The following MRPL1 variants were observed in gnomAD, a reference collection of about 807,000 sequenced individuals.
MRPL1 encodes large ribosomal subunit protein uL1m.
A neutral mutation model predicts 38.0 loss-of-function variants in MRPL1; 28 were observed. The observed-to-expected ratio is 0.74, with a 90% CI of 0.55 to 1.01. MRPL1 has a LOEUF of 1.01. MRPL1 is among the 50% of genes least tolerant of loss of function. The probability of loss-of-function intolerance (pLI) is 0.00; values close to 1 mark genes in which losing one functional copy is unlikely to be tolerated. For synonymous variants in MRPL1, 123 were observed against 126.7 expected (o/e 0.97, Z 0.20); for missense variants, 358 against 389.8 (o/e 0.92, Z 0.69).
chr4:77,947,966 A>G (rs1330674358), intron 7 of MRPL1, among the ~76,000 whole-genome samples: 1 of 152,216 alleles, frequency 6.6e-6, no homozygotes, highest in Non-Finnish European at 1.5e-5. Flanking sequence ...AAAATCATTG[A>G]AACCATCCTA....
At chr4:77,938,341 C>G (rs1737037147) in intron 7 of MRPL1, among the ~76,000 whole-genome samples, 1 of 152,208 alleles carries the variant, frequency 6.6e-6, no homozygotes, top group Non-Finnish European at 1.5e-5. Flanking sequence ...AAACATAGAT[C>G]AGATATACCA....
chr4:77,916,698 A>G (rs562751521), intron 7 of MRPL1, among the ~76,000 whole-genome samples: 6 of 152,152 alleles, frequency 3.9e-5, no homozygotes, highest in Non-Finnish European at 8.8e-5. Context: ...ATAGAGTTGT[A>G]TTCTATCATA....
intron 6 of MRPL1, among the ~76,000 whole-genome samples, chr4:77,899,640 TA>T (rs1484672173): frequency 6.6e-6 from 1 of 152,186 alleles, no homozygotes; most frequent in African/African-American, 2.4e-5. Flanking sequence ...ACCTCTTTTC[TA>T]ACTATTTCTT....
At chr4:77,867,746 CT>C (rs71214374) in intron 1 of MRPL1, among the ~76,000 whole-genome samples, 4,518 of 91,628 alleles carry the variant, frequency 0.049, 49 homozygotes, top group Non-Finnish European at 0.063. Flanking sequence ...ATAGTTATTT[CT>C]TTTTTTTTTT....
At chr4:77,922,869 CAAAT>C (rs1736611007) in intron 7 of MRPL1, among the ~76,000 whole-genome samples, 1 of 152,010 alleles carries the variant, frequency 6.6e-6, no homozygotes, top group Admixed American at 6.6e-5. Flanking sequence ...TTTAGATGTC[CAAAT>C]GGAACTGTGT....
chr4:77,868,064 CT>C (rs201653037), intron 1 of MRPL1, among the ~76,000 whole-genome samples: 14 of 145,448 alleles, frequency 9.6e-5, no homozygotes, highest in Admixed American at 5.5e-4. Context: ...CCAGTTATTT[CT>C]TTTTTTTTTC....
intron 7 of MRPL1, among the ~76,000 whole-genome samples, chr4:77,924,389 TA>T (rs1326563597): frequency 2.6e-5 from 4 of 152,170 alleles, no homozygotes; most frequent in African/African-American, 7.2e-5. Flanking sequence ...TCCAAGAGCT[TA>T]TTTTTGGAGG....
chr4:77,936,150 C>G (rs573738230), intron 7 of MRPL1, among the ~76,000 whole-genome samples: 1 of 149,400 alleles, frequency 6.7e-6, no homozygotes, highest in East Asian at 2.0e-4. Context: ...TTTATTACTG[C>G]TCTTTCTGTA....
chr4:77,908,230 C>T (rs76295234), intron 6 of MRPL1: 10,725 of 161,080 alleles, frequency 0.067, 619 homozygotes, highest in African/African-American at 0.16. Flanking sequence ...ATTCCAAGAC[C>T]GTACTGTTAT....
At chr4:77,944,868 A>G (rs945715565) in intron 7 of MRPL1, among the ~76,000 whole-genome samples, 1 of 152,140 alleles carries the variant, frequency 6.6e-6, no homozygotes, top group African/African-American at 2.4e-5. Context: ...AGCTGTGTCC[A>G]GAGTCATAAG....
chr4:77,902,038 A>T (rs1736047445), intron 6 of MRPL1, among the ~76,000 whole-genome samples: 1 of 152,214 alleles, frequency 6.6e-6, no homozygotes, highest in Non-Finnish European at 1.5e-5. Context: ...TTAAATTAGA[A>T]ATCAGTAACC....
At chr4:77,917,029 GCACA>G (rs1736438350) in intron 7 of MRPL1, among the ~76,000 whole-genome samples, 3 of 152,154 alleles carry the variant, frequency 2.0e-5, no homozygotes, top group African/African-American at 7.2e-5. Flanking sequence ...GTGAGTGTGA[GCACA>G]TGTGTACTTT....
chr4:77,923,155 G>C (rs752522421), intron 7 of MRPL1, among the ~76,000 whole-genome samples: 25 of 152,058 alleles, frequency 1.6e-4, no homozygotes, highest in Non-Finnish European at 3.4e-4. Context: ...GAGTGCAGTG[G>C]CGTGATCTTG....
At chr4:77,888,375 C>T (rs112099955) in intron 5 of MRPL1, among the ~76,000 whole-genome samples, 11,472 of 152,098 alleles carry the variant, frequency 0.075, 735 homozygotes, top group African/African-American at 0.17. Flanking sequence ...CGTGGTGGCA[C>T]ATGCCTGTAA....
chr4:77,871,934 A>T, intron 2 of MRPL1, 79 bp downstream of exon 2: 5 of 895,898 alleles, frequency 5.6e-6, no homozygotes, highest in Non-Finnish European at 8.9e-6. Flanking sequence ...TTCCATAAAG[A>T]TTTACCAGGA....
Position 77,952,559 on chromosome 4 carries a change from G to T in MRPL1, c.930G>T (p.Leu310Phe), listed in dbSNP as rs200268769. 2 of 1,613,088 alleles carry T rather than the reference G, an allele frequency of 1.2e-6. No individual in the cohort carries two copies. The highest frequency in any genetic ancestry group is 2.7e-5 in the African/African-American group (2 of 74,988). ...SEGLLLKIDP[L>F]LPKEVKNEES... The stretch of plus-strand genomic sequence containing the variant: ...GTTTATTACTGAAGATTGATCCATT[G>T]TTGCCTAAAGAAGTAAAAAATGAAG... The change falls in exon 9 of 9, where the codon TTG becomes TTT. Residue 310 changes from leucine (L) to phenylalanine (F), a missense_variant. By Grantham distance (22) the Leu-to-Phe change is conservative. Transcript: ENST00000315567.
chr4:77,917,581 A>G (rs1736449848), intron 7 of MRPL1, among the ~76,000 whole-genome samples: 1 of 152,156 alleles, frequency 6.6e-6, no homozygotes. Context: ...AAAAACAGAA[A>G]ACAACCAACT....
At chr4:77,883,160 T>C (rs1280721609) in intron 2 of MRPL1, 82 bp from the exon 3 acceptor site, 7 of 871,404 alleles carry the variant, frequency 8.0e-6, no homozygotes, top group Non-Finnish European at 1.1e-5. Context: ...TGTTTTTTTT[T>C]CTCTTATGTA....
intron 2 of MRPL1, among the ~76,000 whole-genome samples, chr4:77,877,242 C>T (rs796088800): frequency 2.0e-5 from 3 of 152,118 alleles, no homozygotes; most frequent in South Asian, 2.1e-4. Context: ...TATCTGAATG[C>T]GAGATATGTT....
Sources: gnomAD v4.1 joint callset for allele counts (sites outside exome capture counted in the v4.1 genomes callset) on GRCh38, gnomAD v4.1.1 for gene constraint, MANE v1.5 for transcripts, NCBI Gene and HGNC (gene_info 2026-07-23, HGNC 2026-07-21) for gene names.